Variants in TMEM266 observed in about 807,000 individuals in gnomAD.
TMEM266 encodes Hv1 related protein 1.
In TMEM266, 33 loss-of-function variants were observed where a neutral mutation model predicts 50.5. The observed-to-expected ratio is 0.65, with a 90% CI of 0.50 to 0.87. The LOEUF (loss-of-function observed/expected upper bound fraction) is 0.87, where lower values mean the gene tolerates loss of function less well. Ranked by LOEUF, TMEM266 falls within the 40% of genes least tolerant of loss-of-function variation. The pLI is 0.00. For missense variants in TMEM266, 655 were observed against 695.1 expected (o/e 0.94, Z 0.65); for synonymous variants, 310 against 292.3 (o/e 1.06, Z -0.62).
At chr15:76,166,036 A>AC (rs760958137) in intron 5 of TMEM266, among the ~76,000 whole-genome samples, 14 of 152,122 alleles carry the variant, frequency 9.2e-5, no homozygotes, top group Non-Finnish European at 1.3e-4. Flanking sequence ...TTTCACGTAA[A>AC]CCCCCCGATG....
chr15:76,192,303 C>T (rs1336451610), intron 9 of TMEM266, 146 bp downstream of exon 9: 2 of 752,792 alleles, frequency 2.7e-6, no homozygotes, highest in Admixed American at 4.0e-5. Flanking sequence ...GGGACACGCT[C>T]AGATCAGTAG....
rs188168893 is a variant in TMEM266 at position 76,109,816 on chromosome 15, G to A, written c.-96-24352G>A. ...CCTCAACTGCTGGGCTGAAGCAGGA[G>A]GCTGGCTAATTTTTTAAATTTTTTG... On this transcript the variant is annotated intron_variant, in intron 1 of 10. Transcript: ENST00000388942. Among the ~76,000 whole-genome samples the A allele has an allele frequency of 8.0e-3, 1,206 of 151,226 alleles. 7 individuals carry two copies. Among genetic ancestry groups the A allele is most frequent in the Middle Eastern group, 0.014 (4 of 290 alleles).
chr15:76,175,758 A>G lies in TMEM266; in HGVS notation c.768+84A>G. 8 of 1,117,196 alleles carry G rather than the reference A, an allele frequency of 7.2e-6. No individual in the cohort carries two copies. In the South Asian group the frequency reaches 9.7e-5, roughly 14 times the overall value. 69.2% of individuals were successfully genotyped at this position (1,117,196 alleles called of 1,614,324 possible). ...TAAAGCCATGGGTTGCTAGAGCTGC[A>G]GGGGCACCAGAGGTCAGGGAGTTCC... is the stretch of plus-strand genomic sequence containing the variant. On this transcript the variant is annotated intron_variant, in intron 8 of 10. Coordinates refer to ENST00000388942, the MANE Select transcript of TMEM266 (RefSeq NM_152335.3).
intron 3 of TMEM266, among the ~76,000 whole-genome samples, chr15:76,141,455 TC>T (rs1354023048): frequency 3.3e-5 from 5 of 152,200 alleles, no homozygotes; most frequent in African/African-American, 1.2e-4. Flanking sequence ...CCCGGGCTGG[TC>T]TCAAACTCCT....
At chr15:76,071,644 G>A (rs980671988) in intron 1 of TMEM266, among the ~76,000 whole-genome samples, 1 of 152,196 alleles carries the variant, frequency 6.6e-6, no homozygotes, top group Non-Finnish European at 1.5e-5. Flanking sequence ...CCCAGAGAAT[G>A]CTGTCAGCCA....
intron 3 of TMEM266, among the ~76,000 whole-genome samples, chr15:76,155,110 C>T (rs1200020880): frequency 1.3e-5 from 2 of 152,356 alleles, no homozygotes; most frequent in African/African-American, 4.8e-5. Context: ...CCTGTTTATA[C>T]ATGGGGAGGC....
intron 8 of TMEM266, 183 bp from the exon 9 acceptor site, chr15:76,191,785 A>G: frequency 1.8e-6 from 1 of 567,558 alleles, no homozygotes; most frequent in Non-Finnish European, 2.9e-6. Flanking sequence ...AAGGCTCCGC[A>G]ACCGTAAGAA....
intron 7 of TMEM266, among the ~76,000 whole-genome samples, chr15:76,173,167 G>A (rs1202823148): frequency 2.6e-5 from 4 of 152,162 alleles, no homozygotes; most frequent in Admixed American, 1.3e-4. Flanking sequence ...ATGGGTCTCA[G>A]GGACACGTGG....
chr15:76,158,431 G>A (rs1266127188), intron 4 of TMEM266, among the ~76,000 whole-genome samples: 2 of 152,098 alleles, frequency 1.3e-5, no homozygotes, highest in Admixed American at 1.3e-4. Flanking sequence ...TATGAGACCT[G>A]CCCATAACAG....
At position 76,156,643 on chromosome 15, in the gene TMEM266, C is replaced by T. The variant is rs768682211; in HGVS notation, c.267C>T (p.Ala89=). 3.1e-6 allele frequency: 5 copies of T among 1,614,158 alleles called. No homozygotes were observed. Among genetic ancestry groups the T allele is most frequent in the East Asian group, 2.2e-5 (1 of 44,874 alleles). Residue 89 remains alanine, a synonymous_variant, in exon 4 of 11, where the codon GCC becomes GCT. Transcript: ENST00000388942. Reference sequence around the variant, plus strand: ...AGCCGTGCTGTGGGAAGAGAGCAGCCGTGTGGCAGGTATTTTTGCTCAGTG... The same window carrying T: ...AGCCGTGCTGTGGGAAGAGAGCAGCTGTGTGGCAGGTATTTTTGCTCAGTG...
At chr15:76,127,312 T>C (rs2037438177) in intron 1 of TMEM266, among the ~76,000 whole-genome samples, 1 of 150,502 alleles carries the variant, frequency 6.6e-6, no homozygotes, top group South Asian at 2.1e-4. Context: ...TGGAATCATC[T>C]ACCTCTAGTC....
chr15:76,176,158 C>A, intron 8 of TMEM266: 1 of 156,888 alleles, frequency 6.4e-6, no homozygotes, highest in Non-Finnish European at 1.4e-5. Flanking sequence ...GTGGGCCCTG[C>A]AAGGATGGGC....
chr15:76,163,807 G>C (rs920815232), intron 5 of TMEM266, among the ~76,000 whole-genome samples: 1 of 152,206 alleles, frequency 6.6e-6, no homozygotes, highest in African/African-American at 2.4e-5. Context: ...GCGGAGCCGC[G>C]GCTGGCCTTC....
chr15:76,191,453 G>A (rs1208766909), intron 8 of TMEM266: 1 of 152,428 alleles, frequency 6.6e-6, no homozygotes, highest in Non-Finnish European at 1.5e-5. Flanking sequence ...AATCGGTCTG[G>A]TCCTGGGTGC....
intron 8 of TMEM266, among the ~76,000 whole-genome samples, chr15:76,191,285 AT>A (rs2038563187): frequency 6.6e-6 from 1 of 152,268 alleles, no homozygotes; most frequent in Non-Finnish European, 1.5e-5. Context: ...GGAAATTCAA[AT>A]AGGCTGCCAC....
intron 3 of TMEM266, among the ~76,000 whole-genome samples, chr15:76,148,556 A>G (rs1031048404): frequency 6.6e-6 from 1 of 152,256 alleles, no homozygotes; most frequent in African/African-American, 2.4e-5. Flanking sequence ...ACCCCTTGCC[A>G]AAGACTTGAC....
intron 8 of TMEM266, among the ~76,000 whole-genome samples, chr15:76,186,214 C>T (rs1404847963): frequency 6.6e-6 from 1 of 152,172 alleles, no homozygotes; most frequent in African/African-American, 2.4e-5. Context: ...CCCCATCCTC[C>T]CTCCCAGCAC....
At position 76,203,842 on chromosome 15, in the gene TMEM266, C is replaced by T. The variant is rs1159960383; in HGVS notation, c.1123C>T (p.Leu375Phe). The stretch of plus-strand genomic sequence containing the variant: ...GGACCTCTTCTCTCTGGACATGCCC[C>T]TCAAACTCGGCGGTAATGGCACCAG... The change falls in exon 11 of 11, where the codon CTC (leucine) becomes TTC (phenylalanine). Residue 375 changes from leucine to phenylalanine, a missense_variant. Physicochemically the swap from Leu to Phe is conservative, Grantham distance 22. Transcript: ENST00000388942. 1 of 1,614,238 alleles carries T rather than the reference C, an allele frequency of 6.2e-7. No individual in the cohort carries two copies. The highest frequency in any genetic ancestry group is 8.5e-7 in the Non-Finnish European group (1 of 1,180,040).
At chr15:76,115,951 C>G (rs1309400772) in intron 1 of TMEM266, among the ~76,000 whole-genome samples, 3 of 152,018 alleles carry the variant, frequency 2.0e-5, no homozygotes, top group Non-Finnish European at 4.4e-5. Flanking sequence ...GAGCAGTGCT[C>G]AGCAGATGCT....
Sources: gnomAD v4.1 joint callset for allele counts (sites outside exome capture counted in the v4.1 genomes callset) on GRCh38, gnomAD v4.1.1 for gene constraint, MANE v1.5 for transcripts, NCBI Gene and HGNC (gene_info 2026-07-23, HGNC 2026-07-21) for gene names.